CFAP90: variants seen among roughly 807,000 people sequenced by gnomAD.
CFAP90 encodes cilia- and flagella-associated protein 90.
chr5:7,850,839 G>A, the CFAP90 span: 3 of 1,208,362 alleles, frequency 2.5e-6, no homozygotes, highest in Non-Finnish European at 3.1e-6. Context: ...CAGCCGCCCA[G>A]CCTTCCGGTC....
chr5:7,838,333 A>G, the CFAP90 span, among the ~76,000 whole-genome samples: 1 of 152,222 alleles, frequency 6.6e-6, no homozygotes, highest in Non-Finnish European at 1.5e-5. Context: ...AAAACTTTAA[A>G]AAAAACATTT....
the CFAP90 span, chr5:7,850,926 C>A: frequency 1.5e-6 from 2 of 1,358,490 alleles, no homozygotes; most frequent in Admixed American, 5.8e-5. Context: ...GGCGCCGCGG[C>A]GGGATGTAGC....
the CFAP90 span, among the ~76,000 whole-genome samples, chr5:7,837,587 A>G: frequency 1.3e-5 from 2 of 152,228 alleles, no homozygotes; most frequent in African/African-American, 2.4e-5. Context: ...CACTCTGGCC[A>G]GTAGTGGGAA....
chr5:7,832,042 A>C, the CFAP90 span: 1 of 1,600,178 alleles, frequency 6.2e-7, no homozygotes, highest in East Asian at 2.3e-5. Context: ...GGTGAAAGTT[A>C]TCAAAGCACA....
the CFAP90 span, among the ~76,000 whole-genome samples, chr5:7,847,994 T>C: frequency 1.3e-5 from 2 of 152,200 alleles, no homozygotes; most frequent in African/African-American, 2.4e-5. Flanking sequence ...CATAACAGCA[T>C]AGAACAAGTT....
chr5:7,830,597 T>C, the CFAP90 span: 1 of 152,176 alleles, frequency 6.6e-6, no homozygotes, highest in Non-Finnish European at 1.5e-5. Context: ...GAAAAACTGT[T>C]TTCAAAAAAA....
At chr5:7,848,993 A>T in the CFAP90 span, among the ~76,000 whole-genome samples, 1 of 152,184 alleles carries the variant, frequency 6.6e-6, no homozygotes, top group African/African-American at 2.4e-5. Context: ...GGACTAATAC[A>T]TGCATGTCTG....
chr5:7,834,691 C>A, the CFAP90 span, among the ~76,000 whole-genome samples: 1 of 152,054 alleles, frequency 6.6e-6, no homozygotes, highest in Non-Finnish European at 1.5e-5. Flanking sequence ...TTTTACTGTA[C>A]CTTTTTATGT....
chr5:7,849,120 G>C, the CFAP90 span, among the ~76,000 whole-genome samples: 1 of 152,160 alleles, frequency 6.6e-6, no homozygotes, highest in Non-Finnish European at 1.5e-5. Flanking sequence ...TTCCAAATAA[G>C]TTCACATTCT....
the CFAP90 span, chr5:7,835,369 G>C: frequency 7.0e-7 from 1 of 1,420,700 alleles, no homozygotes; most frequent in Non-Finnish European, 9.8e-7. Context: ...TTAATATTCT[G>C]TCTTAATATT....
the CFAP90 span, among the ~76,000 whole-genome samples, chr5:7,843,426 T>C: frequency 6.6e-6 from 1 of 152,224 alleles, no homozygotes; most frequent in African/African-American, 2.4e-5. Context: ...TCACAAGTTT[T>C]AGAAATTCTT....
At chr5:7,839,009 T>TA in the CFAP90 span, among the ~76,000 whole-genome samples, 1 of 152,192 alleles carries the variant, frequency 6.6e-6, no homozygotes, top group Non-Finnish European at 1.5e-5. Flanking sequence ...TTAATGGACT[T>TA]ATAGTTCTGT....
the CFAP90 span, among the ~76,000 whole-genome samples, chr5:7,833,611 GTACA>G: frequency 6.6e-6 from 1 of 151,644 alleles, no homozygotes; most frequent in African/African-American, 2.4e-5. Context: ...ATACATATCT[GTACA>G]TACATGTACA....
chr5:7,848,557 C>A, the CFAP90 span, among the ~76,000 whole-genome samples: 1 of 152,152 alleles, frequency 6.6e-6, no homozygotes, highest in African/African-American at 2.4e-5. Flanking sequence ...ATGCCCTGTT[C>A]CAGGCCTTTC....
the CFAP90 span, among the ~76,000 whole-genome samples, chr5:7,843,437 A>G: frequency 6.6e-6 from 1 of 152,236 alleles, no homozygotes; most frequent in African/African-American, 2.4e-5. Context: ...AGAAATTCTT[A>G]TAAATTTTCA....
the CFAP90 span, among the ~76,000 whole-genome samples, chr5:7,836,316 A>G: frequency 6.6e-6 from 1 of 152,196 alleles, no homozygotes; most frequent in Admixed American, 6.5e-5. Flanking sequence ...AACAATACCT[A>G]CATACTAGGA....
the CFAP90 span, among the ~76,000 whole-genome samples, chr5:7,833,616 T>C: frequency 1.3e-5 from 2 of 152,182 alleles, no homozygotes; most frequent in African/African-American, 2.4e-5. Flanking sequence ...TATCTGTACA[T>C]ACATGTACAC....
chr5:7,832,057 C>T, the CFAP90 span: 1 of 1,595,256 alleles, frequency 6.3e-7, no homozygotes, highest in Non-Finnish European at 8.6e-7. Flanking sequence ...AGCACATAGT[C>T]AGCACCACTG....
At chr5:7,846,722 A>G in the CFAP90 span, among the ~76,000 whole-genome samples, 1 of 152,118 alleles carries the variant, frequency 6.6e-6, no homozygotes, top group South Asian at 2.1e-4. Context: ...CAGCTTGATT[A>G]GGGCCTGAAA....
Sources: gnomAD v4.1 joint callset for allele counts (sites outside exome capture counted in the v4.1 genomes callset) on GRCh38, gnomAD v4.1.1 for gene constraint, MANE v1.5 for transcripts, NCBI Gene and HGNC (gene_info 2026-07-23, HGNC 2026-07-21) for gene names.